TBCK: variants seen among roughly 807,000 people sequenced by gnomAD.
TBCK encodes the protein TBC domain-containing protein kinase-like protein.
TBCK carries 99 observed loss-of-function variants against 113.4 expected under a neutral mutation model. The observed-to-expected ratio is 0.87, with a 90% CI of 0.74 to 1.03. The LOEUF is 1.03. TBCK is among the 50% of genes least tolerant of loss of function. TBCK has a pLI of 0.00. For missense variants in TBCK, 1,045 were observed against 1,061.3 expected, an observed-to-expected ratio of 0.98 and a Z score of 0.21; for synonymous variants, 369 against 370.8, an observed-to-expected ratio of 1.00 and a Z score of 0.05.
At chr4:106,247,322 A>C in intron 9 of TBCK, 35 bp from the exon 10 acceptor site, 3 of 1,598,636 alleles carry the variant, frequency 1.9e-6, no homozygotes, top group South Asian at 2.3e-5. Flanking sequence ...CATGAATGAA[A>C]GTCATAAAAA....
intron 6 of TBCK, chr4:106,251,266 T>C (rs1166769075): frequency 2.5e-5 from 4 of 159,048 alleles, no homozygotes; most frequent in South Asian, 1.7e-4. Context: ...AGAATATGCT[T>C]CATTAATGTT....
At chr4:106,081,878 A>G (rs1738912973) in intron 25 of TBCK, among the ~76,000 whole-genome samples, 1 of 152,264 alleles carries the variant, frequency 6.6e-6, no homozygotes, top group Non-Finnish European at 1.5e-5. Context: ...ATCGTCAGTG[A>G]AATGCAAATC....
chr4:106,247,621 C>T (rs1204219764), intron 9 of TBCK: 1 of 183,360 alleles, frequency 5.5e-6, no homozygotes, highest in South Asian at 1.3e-4. Flanking sequence ...TTTATGCAAA[C>T]TATTATAATA....
chr4:106,277,890 G>T (rs1357530895), intron 3 of TBCK, among the ~76,000 whole-genome samples: 1 of 152,150 alleles, frequency 6.6e-6, no homozygotes, highest in Non-Finnish European at 1.5e-5. Context: ...TTGAAATGTA[G>T]TTAGTTGTAT....
intron 10 of TBCK, among the ~76,000 whole-genome samples, chr4:106,245,681 C>T (rs1760717579): frequency 1.3e-5 from 2 of 152,094 alleles, no homozygotes; most frequent in Non-Finnish European, 2.9e-5. Context: ...TAATATACTA[C>T]TAAAAGTGGC....
At position 106,178,101 on chromosome 4, in the gene TBCK, C is replaced by T. The variant is rs186851388; in HGVS notation, c.2060-6831G>A. Among the ~76,000 whole-genome samples the T allele has an allele frequency of 8.4e-4, 127 of 151,988 alleles. 3 individuals are homozygous for T. Among genetic ancestry groups the T allele is most frequent in the South Asian group, 8.1e-3 (39 of 4,820 alleles). Reference sequence around the variant, plus strand: ...TTTGTAGCTATTTCAAGCAGAACTGCTTCCTTGATTTCTTTTTCAGATTGT... The same window carrying T: ...TTTGTAGCTATTTCAAGCAGAACTGTTTCCTTGATTTCTTTTTCAGATTGT... On this transcript the variant is annotated intron_variant, in intron 22 of 25. Coordinates refer to ENST00000394708, the MANE Select transcript of TBCK (RefSeq NM_001163435.3).
rs377437367 is a variant in TBCK, at chr4:106,116,153, C to G, written c.2411+50G>C. Reference sequence around the variant, plus strand: ...CACACAACACTTAAATGAAAGGATGCAATACAAATAAGCAGTACCACCCTT... The same window carrying G: ...CACACAACACTTAAATGAAAGGATGGAATACAAATAAGCAGTACCACCCTT... On this transcript the variant is annotated intron_variant, in intron 24 of 25. Transcript: ENST00000394708. 14 of 1,512,192 alleles carry G rather than the reference C, an allele frequency of 9.3e-6. No individual in the cohort carries two copies. In the African/African-American group the frequency reaches 1.3e-4, roughly 14 times the overall value. The allele number at this position is 1,512,192 out of a possible 1,614,324, so 93.7% of individuals were successfully genotyped here. A position where few individuals can be genotyped will look rare whatever the true frequency, so the allele number is the denominator to read the frequency against.
At chr4:106,276,515 C>T (rs558310937) in intron 3 of TBCK, among the ~76,000 whole-genome samples, 6 of 152,210 alleles carry the variant, frequency 3.9e-5, no homozygotes, top group African/African-American at 1.4e-4. Context: ...AGTTCGAGAC[C>T]AGCCTGGGTA....
intron 3 of TBCK, among the ~76,000 whole-genome samples, chr4:106,269,007 A>T (rs996385779): frequency 6.6e-6 from 1 of 152,158 alleles, no homozygotes; most frequent in Non-Finnish European, 1.5e-5. Flanking sequence ...AAGGGAGGAA[A>T]CACATTTCTG....
intron 3 of TBCK, among the ~76,000 whole-genome samples, chr4:106,267,501 A>T (rs1274927058): frequency 6.6e-6 from 1 of 152,020 alleles, no homozygotes; most frequent in African/African-American, 2.4e-5. Flanking sequence ...TTAACTAAGC[A>T]GATAAGAATT....
At chr4:106,235,567 G>A (rs551410254) in intron 14 of TBCK, among the ~76,000 whole-genome samples, 200 bp from the exon 15 acceptor site, 2 of 151,986 alleles carry the variant, frequency 1.3e-5, no homozygotes, top group East Asian at 1.9e-4. Context: ...TGAAAAACTC[G>A]TATTATATAA....
At chr4:106,259,817 T>C (rs1316074349) in intron 5 of TBCK, among the ~76,000 whole-genome samples, 1 of 151,880 alleles carries the variant, frequency 6.6e-6, no homozygotes, top group African/African-American at 2.4e-5. Context: ...CACACAAATA[T>C]AACACAGAAA....
intron 19 of TBCK, among the ~76,000 whole-genome samples, chr4:106,220,274 G>T (rs192873491): frequency 5.9e-5 from 9 of 152,274 alleles, no homozygotes; most frequent in Admixed American, 3.3e-4. Flanking sequence ...GATCTGACGG[G>T]TTCTTCAGGG....
intron 16 of TBCK, 102 bp from the exon 17 acceptor site, chr4:106,233,166 T>C (rs1560874386): frequency 6.6e-6 from 8 of 1,209,698 alleles, no homozygotes; most frequent in Non-Finnish European, 9.1e-6. Flanking sequence ...AGCTATAATA[T>C]GAATTTCAAA....
chr4:106,244,618 T>C lies in TBCK; in HGVS notation c.1070+8A>G, dbSNP rs772539141. ...ATTTAAATTCCCAAGAGAAGTTTCT[T>C]TCCTTACTTGGGGAGTGTGCAGATA... On this transcript the variant is annotated splice_region_variant and intron_variant, in intron 11 of 25. Transcript: ENST00000394708. The C allele has an allele frequency of 1.3e-6, 2 of 1,556,142 alleles. No individual in the cohort carries two copies. Among genetic ancestry groups the C allele is most frequent in the South Asian group, 2.5e-5 (2 of 81,234 alleles).
intron 19 of TBCK, among the ~76,000 whole-genome samples, chr4:106,224,230 T>C (rs1757995706): frequency 6.6e-6 from 1 of 152,040 alleles, no homozygotes. Flanking sequence ...TAAAGCATTT[T>C]AGAGTCTCAT....
At chr4:106,262,033 C>T (rs1762554292) in intron 4 of TBCK, 65 bp downstream of exon 4, 10 of 844,524 alleles carry the variant, frequency 1.2e-5, no homozygotes, top group Non-Finnish European at 1.8e-5. Flanking sequence ...ACTGAGTAGC[C>T]CTGATCCCAG....
intron 3 of TBCK, among the ~76,000 whole-genome samples, chr4:106,269,675 T>C (rs1763299709): frequency 6.6e-6 from 1 of 152,118 alleles, no homozygotes; most frequent in South Asian, 2.1e-4. Flanking sequence ...AAAAAAGTAA[T>C]CAGTCCATCT....
At position 106,096,653 on chromosome 4, in the gene TBCK, T is replaced by C. The variant is rs530159423; in HGVS notation, c.2412-1012A>G. On this transcript the variant is annotated intron_variant, in intron 24 of 25. Coordinates refer to ENST00000394708, the MANE Select transcript of TBCK (RefSeq NM_001163435.3). ...GTGAGCCTAGGTTGTCGTGTTGGTA[T>C]CAGATGACCCTGCTACAACCATGAC... Among the ~76,000 whole-genome samples the C allele has an allele frequency of 8.5e-5, 13 of 152,278 alleles. No homozygotes were observed. The South Asian group carries it at 2.7e-3, about 32-fold the overall frequency.
Sources: gnomAD v4.1 joint callset for allele counts (sites outside exome capture counted in the v4.1 genomes callset) on GRCh38, gnomAD v4.1.1 for gene constraint, MANE v1.5 for transcripts, NCBI Gene and HGNC (gene_info 2026-07-23, HGNC 2026-07-21) for gene names.